The following RAPGEF4 variants were observed in gnomAD, a reference collection of about 807,000 sequenced individuals.
The protein encoded by RAPGEF4 is Rap guanine nucleotide exchange factor 4.
A neutral mutation model predicts 147.9 loss-of-function variants in RAPGEF4; 66 were observed. The observed-to-expected ratio is 0.45, with a 90% CI of 0.37 to 0.55. RAPGEF4 has a LOEUF of 0.55. RAPGEF4 is among the 20% of genes least tolerant of loss of function. The pLI is 0.00. For synonymous variants in RAPGEF4, 419 were observed against 442.7 expected (o/e 0.95, Z 0.67); for missense variants, 1,071 against 1,257.3 (o/e 0.85, Z 2.24).
chr2:172,996,602 T>G (rs1283793070), intron 16 of RAPGEF4, 48 bp downstream of exon 16: 1 of 1,314,994 alleles, frequency 7.6e-7, no homozygotes, highest in South Asian at 1.3e-5. Flanking sequence ...ATGCATAGCA[T>G]TGTTTAAAAG....
chr2:172,810,333 C>CA (rs376781583), intron 3 of RAPGEF4, among the ~76,000 whole-genome samples: 88 of 152,296 alleles, frequency 5.8e-4, no homozygotes, highest in African/African-American at 2.0e-3. Flanking sequence ...AGGCACTATG[C>CA]AAAGCAGTTT....
At chr2:172,886,415 A>G (rs1235837979) in intron 4 of RAPGEF4, among the ~76,000 whole-genome samples, 4 of 152,238 alleles carry the variant, frequency 2.6e-5, no homozygotes, top group African/African-American at 9.6e-5. Flanking sequence ...CTAGACTGTG[A>G]ACTCTGAAAG....
chr2:172,931,168 G>A (rs1437592925), intron 6 of RAPGEF4, among the ~76,000 whole-genome samples: 13 of 42,864 alleles, frequency 3.0e-4, no homozygotes, highest in Non-Finnish European at 1.3e-4. Context: ...AAGCCAGGCC[G>A]GGGTGGGGGG....
chr2:172,962,185 C>A (rs193094410), intron 8 of RAPGEF4, among the ~76,000 whole-genome samples: 22 of 152,310 alleles, frequency 1.4e-4, no homozygotes, highest in African/African-American at 5.3e-4. Context: ...CACAGACCTT[C>A]ACTCTGTCTT....
At chr2:173,000,769 T>C (rs1693831778) in intron 16 of RAPGEF4, among the ~76,000 whole-genome samples, 1 of 144,116 alleles carries the variant, frequency 6.9e-6, no homozygotes, top group Non-Finnish European at 1.5e-5. Context: ...TTTTTTTTGC[T>C]GCTTCTTTCT....
chr2:173,020,092 T>C (rs1277842077), intron 22 of RAPGEF4, among the ~76,000 whole-genome samples: 2 of 152,184 alleles, frequency 1.3e-5, no homozygotes, highest in African/African-American at 2.4e-5. Context: ...ATTTTTTAAT[T>C]TTTTTGACAT....
intron 4 of RAPGEF4, among the ~76,000 whole-genome samples, chr2:172,831,776 A>G (rs907517121): frequency 1.3e-5 from 2 of 152,116 alleles, no homozygotes; most frequent in African/African-American, 4.8e-5. Context: ...CATGCTAGTA[A>G]ATGCCACAAG....
chr2:172,827,456 AT>A (rs1173965784), intron 4 of RAPGEF4, among the ~76,000 whole-genome samples: 1 of 152,062 alleles, frequency 6.6e-6, no homozygotes, highest in Non-Finnish European at 1.5e-5. Context: ...GCCTCCTGTT[AT>A]AATCAGTCAT....
In RAPGEF4 at chr2:172,921,091, GT is replaced by G. The variant is rs528784245; in HGVS notation, c.518-1184del. On this transcript the variant is annotated intron_variant, in intron 5 of 30. Coordinates refer to ENST00000397081, the MANE Select transcript of RAPGEF4 (RefSeq NM_007023.4). ...ACTGCCTACTAGGATGAGCACTCAGGTTTTTTGCTTTTTTGTTTTTGTCTTT... is the reference window on the plus strand; with the variant it reads ...ACTGCCTACTAGGATGAGCACTCAGGTTTTTGCTTTTTTGTTTTTGTCTTT... Among the ~76,000 whole-genome samples, 38 of 151,774 alleles carry G rather than the reference GT, an allele frequency of 2.5e-4. No individual in the cohort carries two copies. The South Asian group carries it at 7.5e-3, about 30-fold the overall frequency.
At chr2:172,780,340 G>A (rs1233727915) in intron 1 of RAPGEF4, among the ~76,000 whole-genome samples, 1 of 152,188 alleles carries the variant, frequency 6.6e-6, no homozygotes, top group East Asian at 1.9e-4. Flanking sequence ...CAAAGGAAGA[G>A]GACCTTGAGT....
chr2:172,850,849 TA>T (rs1692736151), intron 4 of RAPGEF4, among the ~76,000 whole-genome samples: 2 of 152,306 alleles, frequency 1.3e-5, no homozygotes, highest in African/African-American at 4.8e-5. Flanking sequence ...CTTATTGGTC[TA>T]ACTAGCAGTC....
intron 6 of RAPGEF4, among the ~76,000 whole-genome samples, chr2:172,930,401 C>T (rs1182691848): frequency 6.6e-6 from 1 of 152,100 alleles, no homozygotes; most frequent in Non-Finnish European, 1.5e-5. Context: ...CAAAATCATG[C>T]CTTCTTTTTT....
intron 29 of RAPGEF4, 104 bp downstream of exon 29, chr2:173,036,796 G>T (rs1055066856): frequency 2.8e-6 from 2 of 725,270 alleles, no homozygotes; most frequent in South Asian, 4.5e-5. Flanking sequence ...CTGCTAAAAA[G>T]GTAGTTACAC....
chr2:172,827,441 A>T (rs1361214822), intron 4 of RAPGEF4, among the ~76,000 whole-genome samples: 4 of 152,012 alleles, frequency 2.6e-5, no homozygotes, highest in African/African-American at 9.7e-5. Context: ...TCCTTGTCCT[A>T]GTTGGCCTCC....
intron 4 of RAPGEF4, among the ~76,000 whole-genome samples, chr2:172,867,292 TA>T (rs368171399): frequency 1.3e-5 from 2 of 151,882 alleles, no homozygotes; most frequent in Admixed American, 6.6e-5. Context: ...TTATTAAAAA[TA>T]AAAAAAACCT....
chr2:172,962,123 C>A (rs1689360617), intron 8 of RAPGEF4, among the ~76,000 whole-genome samples: 1 of 152,176 alleles, frequency 6.6e-6, no homozygotes, highest in Non-Finnish European at 1.5e-5. Flanking sequence ...AATTCAGCAA[C>A]TTTTGATCAA....
At chr2:172,871,948 T>G (rs1334088201) in intron 4 of RAPGEF4, among the ~76,000 whole-genome samples, 2 of 152,172 alleles carry the variant, frequency 1.3e-5, no homozygotes, top group African/African-American at 2.4e-5. Context: ...AGGAAGTAGC[T>G]GTGCCCAGCT....
chr2:172,877,031 G>A (rs113668335), intron 4 of RAPGEF4, among the ~76,000 whole-genome samples: 144 of 152,178 alleles, frequency 9.5e-4, no homozygotes, highest in African/African-American at 3.2e-3. Context: ...GTTTATTTGC[G>A]TAGAGGTGTT....
At chr2:173,011,170 G>GCGCGCGCA (rs564434178) in intron 17 of RAPGEF4, among the ~76,000 whole-genome samples, 1,890 of 133,510 alleles carry the variant, frequency 0.014, 17 homozygotes, top group African/African-American at 0.026. Flanking sequence ...GCGCGCGCGC[G>GCGCGCGCA]CACACACACA....
Sources: gnomAD v4.1 joint callset for allele counts (sites outside exome capture counted in the v4.1 genomes callset) on GRCh38, gnomAD v4.1.1 for gene constraint, MANE v1.5 for transcripts, NCBI Gene and HGNC (gene_info 2026-07-23, HGNC 2026-07-21) for gene names.